The following ESR2 variants were observed in gnomAD, a reference collection of about 807,000 sequenced individuals.
The protein encoded by ESR2 is estrogen receptor 2.
ESR2 carries 36 observed loss-of-function variants against 49.6 expected under a neutral mutation model. The observed-to-expected ratio is 0.73, with a 90% CI of 0.56 to 0.96. The LOEUF is 0.96. ESR2 is among the 40% of genes least tolerant of loss of function. The pLI is 0.00. For synonymous variants in ESR2, 320 were observed against 266.1 expected (o/e 1.20, Z -1.97); for missense variants, 714 against 693.0 (o/e 1.03, Z -0.34).
At chr14:64,308,122 C>T (rs2077133373) in intron 1 of ESR2, among the ~76,000 whole-genome samples, 1 of 152,132 alleles carries the variant, frequency 6.6e-6, no homozygotes, top group Non-Finnish European at 1.5e-5. Flanking sequence ...TCAAGCCACC[C>T]TCCCACCTCA....
intron 4 of ESR2, among the ~76,000 whole-genome samples, chr14:64,264,798 G>A (rs147238030): frequency 1.2e-3 from 188 of 150,922 alleles, no homozygotes; most frequent in Admixed American, 1.7e-3. Flanking sequence ...AATTGAGCCC[G>A]AGGAGGTAAA....
intron 1 of ESR2, among the ~76,000 whole-genome samples, chr14:64,306,530 G>A (rs2077101695): frequency 6.6e-6 from 1 of 152,154 alleles, no homozygotes; most frequent in African/African-American, 2.4e-5. Flanking sequence ...AACACTTTTG[G>A]TGGATCTGTT....
chr14:64,291,210 A>G (rs2076865246), intron 1 of ESR2, among the ~76,000 whole-genome samples: 1 of 152,044 alleles, frequency 6.6e-6, no homozygotes, highest in Non-Finnish European at 1.5e-5. Flanking sequence ...TTGACAGTAG[A>G]ACACACAACA....
rs200501869 is a variant in ESR2 at position 64,231,948 on chromosome 14, A to G, written c.*1189T>C. 6.6e-6 allele frequency: 1 copy of G among 152,232 alleles called. No homozygotes were observed. Among genetic ancestry groups the G allele is most frequent in the East Asian group, 1.9e-4 (1 of 5,200 alleles). The allele number at this position is 152,232 out of a possible 1,614,324, so 9.4% of individuals were successfully genotyped here. ...CTGTTTCTTTTTCACCCTGCCCACC[A>G]TATAAATTTTCCAATAAGAAAATAT... On this transcript the variant is annotated 3_prime_UTR_variant, in exon 9 of 9. Coordinates refer to ENST00000341099, the MANE Select transcript of ESR2 (RefSeq NM_001437.3).
intron 7 of ESR2, among the ~76,000 whole-genome samples, chr14:64,243,917 G>T (rs1250709642): frequency 6.6e-6 from 1 of 152,122 alleles, no homozygotes; most frequent in Non-Finnish European, 1.5e-5. Flanking sequence ...TTCCCACTCA[G>T]TACTCTCCCC....
At chr14:64,299,032 G>A (rs965693558), upstream of ESR2, among the ~76,000 whole-genome samples, 6 of 151,598 alleles carry the variant, frequency 4.0e-5, no homozygotes, top group Non-Finnish European at 7.4e-5. Flanking sequence ...TAGAAATGGC[G>A]GCAAATTGTA....
At position 64,246,766 on chromosome 14, in the gene ESR2, AAC is replaced by A. The variant is rs1567739387; in HGVS notation, c.1225+2778_1225+2779del. ...AAAAAAAAAAAAAAAAAAAAAAAAA[AAC>A]ACACCTGGCTGGACTTTCCTTATAT... On this transcript the variant is annotated intron_variant, in intron 7 of 8. Coordinates refer to ENST00000341099, the MANE Select transcript of ESR2 (RefSeq NM_001437.3). Among the ~76,000 whole-genome samples, 256 of 133,944 alleles carry A rather than the reference AAC, an allele frequency of 1.9e-3. 1 individual carries two copies. Among genetic ancestry groups the A allele is most frequent in the African/African-American group, 5.1e-3 (186 of 36,190 alleles). The allele number at this position is 133,944 out of a possible 152,430, so 87.9% of individuals were successfully genotyped here.
At chr14:64,293,709 G>A (rs1376688019) in intron 1 of ESR2, among the ~76,000 whole-genome samples, 2 of 152,194 alleles carry the variant, frequency 1.3e-5, no homozygotes, top group Non-Finnish European at 2.9e-5. Context: ...ATCAGAAAGT[G>A]TATTCAACTC....
intron 1 of ESR2, among the ~76,000 whole-genome samples, chr14:64,285,826 C>CAAAAAAA (rs10559131): frequency 3.0e-5 from 3 of 100,788 alleles, no homozygotes; most frequent in Non-Finnish European, 6.1e-5. Context: ...GACTCTGTCT[C>CAAAAAAA]AAAAAAAAAA....
chr14:64,332,037 C>A (rs1044464858), intron 1 of ESR2, among the ~76,000 whole-genome samples: 2 of 152,074 alleles, frequency 1.3e-5, no homozygotes, highest in African/African-American at 4.8e-5. Context: ...ATGAAAAGGA[C>A]AAAGACATAA....
intron 7 of ESR2, among the ~76,000 whole-genome samples, chr14:64,240,721 T>C (rs1431550140): frequency 6.6e-6 from 1 of 152,204 alleles, no homozygotes; most frequent in African/African-American, 2.4e-5. Context: ...GTTTTTTCGT[T>C]TTTCAGTACA....
At position 64,282,718 on chromosome 14, in the gene ESR2, C is replaced by G. The variant is rs1354566426; in HGVS notation, c.268G>C (p.Val90Leu). The G allele has an allele frequency of 1.2e-6, 2 of 1,614,086 alleles. No homozygotes were observed. The highest frequency in any genetic ancestry group is 1.1e-5 in the South Asian group (1 of 91,092). ...WPTPGHLSPL[V>L]VHRQLSHLYA... ...AGATGTGATAACTGGCGATGGACCA[C>G]TAAAGGAGAAAGGTGCCCAGGTGTT... Residue 90 changes from valine (V) to leucine (L), a missense_variant, in exon 2 of 9, where the codon GTG (valine) becomes CTG (leucine). Transcript: ENST00000341099.
intron 1 of ESR2, among the ~76,000 whole-genome samples, chr14:64,331,166 T>C (rs1191649504): frequency 6.6e-6 from 1 of 151,980 alleles, no homozygotes; most frequent in East Asian, 1.9e-4. Flanking sequence ...AGATTGAAAA[T>C]GAAAAATGGA....
upstream of ESR2, among the ~76,000 whole-genome samples, chr14:64,295,472 A>G (rs773276272): frequency 2.0e-5 from 3 of 152,148 alleles, no homozygotes; most frequent in Non-Finnish European, 4.4e-5. Context: ...TCAGCTAAAC[A>G]ATAGCTGTGA....
chr14:64,302,172 AT>A (rs2077029146), intron 1 of ESR2, among the ~76,000 whole-genome samples: 2 of 147,076 alleles, frequency 1.4e-5, no homozygotes. Context: ...TTATTTATTT[AT>A]TTATTTATTT....
At chr14:64,333,873 T>C (rs780867192) in intron 1 of ESR2, among the ~76,000 whole-genome samples, 11 of 152,140 alleles carry the variant, frequency 7.2e-5, no homozygotes, top group Non-Finnish European at 1.3e-4. Flanking sequence ...ATTCTTTACC[T>C]AAATAGAAGG....
intron 1 of ESR2, among the ~76,000 whole-genome samples, chr14:64,301,761 A>G (rs1477255536): frequency 6.6e-6 from 1 of 152,150 alleles, no homozygotes; most frequent in African/African-American, 2.4e-5. Context: ...TCTCTGTAAA[A>G]TGGGAATAGC....
rs181906871 is a variant in ESR2, at chr14:64,233,328, G to A, written c.1407-5C>T. ...AGATGTTCCATGCCCTTGTTACTAT[G>A]GGGACAAAAAGGTGCTGAGATTCCC... On this transcript the variant is annotated splice_polypyrimidine_tract_variant and splice_region_variant and intron_variant, in intron 8 of 8. Transcript: ENST00000341099. The A allele has an allele frequency of 6.2e-7, 1 of 1,606,338 alleles. No homozygotes were observed. The highest frequency in any genetic ancestry group is 2.2e-5 in the East Asian group (1 of 44,638).
chr14:64,317,139 AC>A (rs1392089328), intron 1 of ESR2, among the ~76,000 whole-genome samples: 1 of 152,098 alleles, frequency 6.6e-6, no homozygotes, highest in Non-Finnish European at 1.5e-5. Context: ...GGTGGCACAC[AC>A]CTGTAGTTCC....
Sources: allele counts gnomAD v4.1 joint callset (sites outside exome capture counted in the v4.1 genomes callset), GRCh38; gene constraint gnomAD v4.1.1; transcripts MANE v1.5; gene names NCBI Gene and HGNC (gene_info 2026-07-23, HGNC 2026-07-21).